Variants in MAP4K3 observed in about 807,000 individuals in gnomAD.
MAP4K3 encodes the protein mitogen-activated protein kinase kinase kinase kinase 3.
Under a neutral mutation model 143.5 loss-of-function variants are expected in MAP4K3, and 94 were observed. That is an observed-to-expected ratio of 0.65 (90% CI 0.55 to 0.78). MAP4K3 has a LOEUF of 0.78. Ranked by LOEUF, MAP4K3 falls within the 30% of genes least tolerant of loss-of-function variation. MAP4K3 has a pLI of 0.00. For synonymous variants in MAP4K3, 416 were observed against 347.2 expected, an observed-to-expected ratio of 1.20 and a Z score of -2.20; for missense variants, 1,077 against 1,068.1, an observed-to-expected ratio of 1.01 and a Z score of -0.12.
rs780473287 is a variant in MAP4K3, at chr2:39,293,211, GATTAAAA to G, written c.1217+12_1217+18del. 6.6e-7 allele frequency: 1 copy of G among 1,516,786 alleles called. No homozygotes were observed. The highest frequency in any genetic ancestry group is 1.2e-5 in the South Asian group (1 of 81,302). The allele number at this position is 1,516,786 out of a possible 1,614,324, so 94.0% of individuals were successfully genotyped here. On this transcript the variant is annotated intron_variant, in intron 17 of 33. Transcript: ENST00000263881. ...TTGTCTGTGACATAAAGTACTTTAA[GATTAAAA>G]ATTAAAATTACCGCTGATGCAATTC...
At chr2:39,335,355 T>C (rs1664909233) in intron 6 of MAP4K3, among the ~76,000 whole-genome samples, 1 of 152,078 alleles carries the variant, frequency 6.6e-6, no homozygotes, top group South Asian at 2.1e-4. Flanking sequence ...GACCACATGA[T>C]ATAATATTAT....
In MAP4K3 at chr2:39,328,819, A is replaced by C. The variant is rs1350194386; in HGVS notation, c.531-2542T>G. On this transcript the variant is annotated intron_variant, in intron 8 of 33. Coordinates refer to ENST00000263881, the MANE Select transcript of MAP4K3 (RefSeq NM_003618.4). ...CTCTAGTAAGTGATCTACTCTAAGA[A>C]AAGGCCTTGATTCTATATCAAAAGA... 5.9e-5 allele frequency among the ~76,000 whole-genome samples: 9 copies of C among 152,318 alleles called. No individual in the cohort carries two copies. In the Middle Eastern group the frequency reaches 0.01, roughly 173 times the overall value.
At chr2:39,382,798 A>G (rs1666387329) in intron 1 of MAP4K3, among the ~76,000 whole-genome samples, 1 of 152,206 alleles carries the variant, frequency 6.6e-6, no homozygotes, top group African/African-American at 2.4e-5. Context: ...ACCCAGTTTA[A>G]AGCACTATGT....
At chr2:39,433,361 C>T (rs1298283184) in intron 1 of MAP4K3, among the ~76,000 whole-genome samples, 1 of 152,160 alleles carries the variant, frequency 6.6e-6, no homozygotes, top group Non-Finnish European at 1.5e-5. Flanking sequence ...ATCCCATCTC[C>T]AGCTTTACTA....
chr2:39,318,053 G>A (rs1018154521), intron 12 of MAP4K3, among the ~76,000 whole-genome samples: 1 of 151,892 alleles, frequency 6.6e-6, no homozygotes, highest in African/African-American at 2.4e-5. Flanking sequence ...AATGTGGTAC[G>A]GATATGCAGC....
At chr2:39,326,048 A>G in intron 9 of MAP4K3, 87 bp from the exon 10 acceptor site, 1 of 1,518,108 alleles carries the variant, frequency 6.6e-7, no homozygotes, top group Non-Finnish European at 9.0e-7. Flanking sequence ...TGTTCCCCAA[A>G]TAAGGTAAAA....
chr2:39,400,006 A>G (rs149025806), intron 1 of MAP4K3, among the ~76,000 whole-genome samples: 2,726 of 152,282 alleles, frequency 0.018, 86 homozygotes, highest in African/African-American at 0.061. Flanking sequence ...CCCAGACTTC[A>G]GTAAGCTCAA....
chr2:39,410,390 A>C (rs2148617001), intron 1 of MAP4K3, among the ~76,000 whole-genome samples: 1 of 152,344 alleles, frequency 6.6e-6, no homozygotes, highest in South Asian at 2.1e-4. Flanking sequence ...TAGAGCAATA[A>C]AATCATAACA....
intron 24 of MAP4K3, among the ~76,000 whole-genome samples, chr2:39,275,955 C>T (rs1244994420): frequency 1.3e-5 from 2 of 152,160 alleles, no homozygotes; most frequent in Non-Finnish European, 2.9e-5. Context: ...TCACTGCAAC[C>T]TCCGCCTCCC....
intron 31 of MAP4K3, among the ~76,000 whole-genome samples, chr2:39,255,096 A>T (rs1386381953): frequency 6.6e-6 from 1 of 152,256 alleles, no homozygotes; most frequent in East Asian, 1.9e-4. Flanking sequence ...TTTGGTATTT[A>T]TCATTCTCAT....
At chr2:39,324,274 G>C (rs1421202497) in intron 12 of MAP4K3, among the ~76,000 whole-genome samples, 6 of 152,054 alleles carry the variant, frequency 3.9e-5, no homozygotes, top group Non-Finnish European at 8.8e-5. Context: ...GGGCATGGTG[G>C]TGGGCTCCTG....
chr2:39,252,055 G>A (rs1386842763), intron 32 of MAP4K3, among the ~76,000 whole-genome samples, 170 bp from the exon 33 acceptor site: 1 of 152,206 alleles, frequency 6.6e-6, no homozygotes, highest in Non-Finnish European at 1.5e-5. Flanking sequence ...TGTTAGTCGA[G>A]GGGAAATGTG....
At chr2:39,268,826 G>C (rs1680890990) in intron 26 of MAP4K3, among the ~76,000 whole-genome samples, 1 of 151,900 alleles carries the variant, frequency 6.6e-6, no homozygotes, top group African/African-American at 2.4e-5. Context: ...TTTTAGTAGA[G>C]ACGGGGTTTC....
At chr2:39,313,407 G>A (rs998297259) in intron 13 of MAP4K3, among the ~76,000 whole-genome samples, 6 of 151,900 alleles carry the variant, frequency 3.9e-5, no homozygotes, top group African/African-American at 1.2e-4. Flanking sequence ...AGTGTCTGTT[G>A]TTTCCCTTTG....
chr2:39,305,936 C>T (rs972133280), intron 15 of MAP4K3, among the ~76,000 whole-genome samples: 2 of 151,884 alleles, frequency 1.3e-5, no homozygotes, highest in African/African-American at 2.4e-5. Flanking sequence ...TTCAAGGATT[C>T]TCCTGCCTCA....
At chr2:39,291,335 G>T (rs1043503547) in intron 18 of MAP4K3, among the ~76,000 whole-genome samples, 2 of 152,090 alleles carry the variant, frequency 1.3e-5, no homozygotes, top group Non-Finnish European at 2.9e-5. Flanking sequence ...GTACTATATT[G>T]TAATTAAAAC....
chr2:39,307,343 A>T (rs1220347067), intron 15 of MAP4K3, among the ~76,000 whole-genome samples: 1 of 152,122 alleles, frequency 6.6e-6, no homozygotes, highest in African/African-American at 2.4e-5. Context: ...GACAGTATTT[A>T]TAACTTCAGG....
intron 3 of MAP4K3, 150 bp downstream of exon 3, chr2:39,356,099 C>T (rs1665603770): frequency 5.2e-6 from 3 of 574,050 alleles, no homozygotes; most frequent in Non-Finnish European, 9.3e-6. Context: ...AACATAGGTC[C>T]TAAGTAAAAA....
intron 1 of MAP4K3, among the ~76,000 whole-genome samples, chr2:39,425,511 A>G (rs1665040562): frequency 6.6e-6 from 1 of 152,094 alleles, no homozygotes; most frequent in Non-Finnish European, 1.5e-5. Flanking sequence ...TGAGGTAGGG[A>G]AGGCCTCAGG....
Sources: gnomAD v4.1 joint callset for allele counts (sites outside exome capture counted in the v4.1 genomes callset) on GRCh38, gnomAD v4.1.1 for gene constraint, MANE v1.5 for transcripts, NCBI Gene and HGNC (gene_info 2026-07-23, HGNC 2026-07-21) for gene names.